ARK2N: variants seen among roughly 807,000 people sequenced by gnomAD.
The protein encoded by ARK2N is arkadia (RNF111) N-terminal like PKA signaling regulator 2N, also known as protein ARK2N.
At chr18:46,194,487 T>C in the ARK2N span, among the ~76,000 whole-genome samples, 5 of 151,594 alleles carry the variant, frequency 3.3e-5, no homozygotes, top group African/African-American at 1.2e-4. Flanking sequence ...TGTTTGTTTT[T>C]TTTGAGACGG....
the ARK2N span, among the ~76,000 whole-genome samples, chr18:46,259,366 C>T: frequency 1.3e-5 from 2 of 151,210 alleles, no homozygotes; most frequent in Non-Finnish European, 2.9e-5. Flanking sequence ...GCCTTAGCCT[C>T]CTGAGTAGCT....
chr18:46,259,772 CTGTGTG>C, the ARK2N span, among the ~76,000 whole-genome samples: 1,191 of 104,832 alleles, frequency 0.011, 27 homozygotes, highest in African/African-American at 0.039. Flanking sequence ...CACCCAGCTA[CTGTGTG>C]TGTGTGTGTG....
the ARK2N span, among the ~76,000 whole-genome samples, chr18:46,187,792 A>G: frequency 6.6e-6 from 1 of 152,160 alleles, no homozygotes; most frequent in Non-Finnish European, 1.5e-5. Flanking sequence ...TAATTTTTGA[A>G]TAATAGATTC....
the ARK2N span, among the ~76,000 whole-genome samples, chr18:46,223,764 G>T: frequency 1.3e-5 from 2 of 152,130 alleles, no homozygotes; most frequent in Admixed American, 1.3e-4. Flanking sequence ...ATACAACAGT[G>T]AAAGAAGTCT....
At chr18:46,213,821 C>T in the ARK2N span, among the ~76,000 whole-genome samples, 1 of 152,080 alleles carries the variant, frequency 6.6e-6, no homozygotes, top group African/African-American at 2.4e-5. Context: ...CTCAGCCTCC[C>T]GAGTAGCTGG....
chr18:46,260,436 G>T, the ARK2N span, among the ~76,000 whole-genome samples: 169 of 152,276 alleles, frequency 1.1e-3, no homozygotes, highest in African/African-American at 3.9e-3. Context: ...AGGGTTAGGG[G>T]TTGTTCCATC....
At chr18:46,230,622 A>G in the ARK2N span, among the ~76,000 whole-genome samples, 6 of 152,342 alleles carry the variant, frequency 3.9e-5, no homozygotes, top group South Asian at 1.2e-3. Flanking sequence ...TAATATGTGC[A>G]TATGGAATTT....
At chr18:46,254,093 G>GT in the ARK2N span, among the ~76,000 whole-genome samples, 1 of 152,140 alleles carries the variant, frequency 6.6e-6, no homozygotes, top group Non-Finnish European at 1.5e-5. Flanking sequence ...CAAATGTTTA[G>GT]TTAGCTTGAC....
At chr18:46,216,419 A>G in the ARK2N span, 1 of 1,614,146 alleles carries the variant, frequency 6.2e-7, no homozygotes, top group South Asian at 1.1e-5. This position sits in a 1 kb window ranked among gnomAD's most constrained non-coding sequence, Gnocchi z 4.3. Context: ...CAAAAGCACA[A>G]GGAGAGGATC....
At chr18:46,226,143 T>A in the ARK2N span, among the ~76,000 whole-genome samples, 2 of 152,216 alleles carry the variant, frequency 1.3e-5, no homozygotes, top group Non-Finnish European at 2.9e-5. Context: ...TAATCTAATT[T>A]GTTGCTAGTT....
At chr18:46,259,261 T>TA in the ARK2N span, among the ~76,000 whole-genome samples, 33 of 150,478 alleles carry the variant, frequency 2.2e-4, no homozygotes, top group African/African-American at 7.8e-4. Flanking sequence ...TTTTTTTTTT[T>TA]GAGACAGAGT....
chr18:46,253,444 T>G, the ARK2N span, among the ~76,000 whole-genome samples: 16 of 152,282 alleles, frequency 1.1e-4, no homozygotes, highest in East Asian at 2.7e-3. Context: ...GAGTAGCGAG[T>G]GAGAGACTTT....
chr18:46,243,143 T>C, the ARK2N span, among the ~76,000 whole-genome samples: 1 of 152,140 alleles, frequency 6.6e-6, no homozygotes, highest in East Asian at 1.9e-4. Context: ...AAAATAATAC[T>C]GTAGTCTTGA....
At chr18:46,209,335 C>T in the ARK2N span, among the ~76,000 whole-genome samples, 1,586 of 149,420 alleles carry the variant, frequency 0.011, 37 homozygotes, top group African/African-American at 0.037. Flanking sequence ...GCCTTCTTTC[C>T]ACTTTGTATT....
chr18:46,206,137 G>A, the ARK2N span, among the ~76,000 whole-genome samples: 1 of 149,196 alleles, frequency 6.7e-6, no homozygotes, highest in South Asian at 2.1e-4. Context: ...CTAGGCTGGA[G>A]TGCAGTGCCA....
the ARK2N span, among the ~76,000 whole-genome samples, chr18:46,262,220 C>T: frequency 6.6e-6 from 1 of 152,160 alleles, no homozygotes; most frequent in Admixed American, 6.5e-5. Flanking sequence ...GTTTCTGAAA[C>T]AATTTTATTT....
At chr18:46,232,188 C>A in the ARK2N span, 1 of 152,106 alleles carries the variant, frequency 6.6e-6, no homozygotes. Context: ...ATATAGCTGA[C>A]TTTGCCTAAA....
chr18:46,193,068 A>T, the ARK2N span, among the ~76,000 whole-genome samples: 1 of 151,796 alleles, frequency 6.6e-6, no homozygotes, highest in Non-Finnish European at 1.5e-5. Flanking sequence ...TGGGAGACTG[A>T]GGCAGGAGAA....
At chr18:46,237,342 C>T in the ARK2N span, among the ~76,000 whole-genome samples, 1 of 150,756 alleles carries the variant, frequency 6.6e-6, no homozygotes, top group African/African-American at 2.4e-5. Flanking sequence ...CATAAGTTAG[C>T]TAATATTTGT....
Sources: allele counts gnomAD v4.1 joint callset (sites outside exome capture counted in the v4.1 genomes callset), GRCh38; gene constraint gnomAD v4.1.1; non-coding constraint Gnocchi (gnomAD v3.1); transcripts MANE v1.5; gene names NCBI Gene and HGNC (gene_info 2026-07-23, HGNC 2026-07-21).